FAM114A2: variants seen among roughly 807,000 people sequenced by gnomAD.
FAM114A2 encodes the protein family with sequence similarity 114 member A2, also known as protein FAM114A2.
Under a neutral mutation model 58.4 loss-of-function variants are expected in FAM114A2, and 53 were observed. The ratio of observed to expected loss-of-function variants is 0.91; its 90% CI spans 0.73 to 1.14. The LOEUF is 1.14. FAM114A2 is among the 50% of genes most tolerant of loss of function. FAM114A2 has a pLI of 0.00. For synonymous variants in FAM114A2, 228 were observed against 211.4 expected, an observed-to-expected ratio of 1.08 and a Z score of -0.68; for missense variants, 601 against 581.1, an observed-to-expected ratio of 1.03 and a Z score of -0.35.
At chr5:154,017,930 G>C (rs1679269151) in intron 8 of FAM114A2, among the ~76,000 whole-genome samples, 1 of 152,114 alleles carries the variant, frequency 6.6e-6, no homozygotes, top group Non-Finnish European at 1.5e-5. Context: ...TAGGAGGAAA[G>C]TTAAATAGGC....
chr5:154,032,072 G>T (rs1384733075), intron 4 of FAM114A2, among the ~76,000 whole-genome samples: 1 of 152,146 alleles, frequency 6.6e-6, no homozygotes, highest in African/African-American at 2.4e-5. Flanking sequence ...CCTTTTACAC[G>T]TAAAATGTGG....
At chr5:154,012,055 G>A (rs1024055907) in intron 8 of FAM114A2, among the ~76,000 whole-genome samples, 3 of 152,092 alleles carry the variant, frequency 2.0e-5, no homozygotes, top group African/African-American at 7.2e-5. Context: ...TTGGTGGCTG[G>A]GTGGAGAATG....
At position 153,992,799 on chromosome 5, in the gene FAM114A2, G is replaced by C; in HGVS notation, c.*177C>G. The stretch of plus-strand genomic sequence containing the variant: ...TTACAACAACTGGAAAGAATACTGT[G>C]AGAACCTGAATACTTCAATCAAACA... On this transcript the variant is annotated 3_prime_UTR_variant, in exon 14 of 14. Coordinates refer to ENST00000351797, the MANE Select transcript of FAM114A2 (RefSeq NM_018691.4). 4.4e-6 allele frequency: 2 copies of C among 449,780 alleles called. No homozygotes were observed. The highest frequency in any genetic ancestry group is 3.9e-6 in the Non-Finnish European group (1 of 255,404). The allele number at this position is 449,780 out of a possible 1,614,324, so 27.9% of individuals were successfully genotyped here.
intron 2 of FAM114A2, 139 bp from the exon 3 acceptor site, chr5:154,034,516 G>C (rs1203390747): frequency 1.1e-5 from 7 of 641,738 alleles, no homozygotes; most frequent in Non-Finnish European, 1.9e-5. Flanking sequence ...CTAAAGAAAT[G>C]TATTGCTTGA....
chr5:154,010,891 C>G (rs1380431966), intron 9 of FAM114A2, among the ~76,000 whole-genome samples: 2 of 152,152 alleles, frequency 1.3e-5, no homozygotes, highest in African/African-American at 2.4e-5. Flanking sequence ...CATTCAGATC[C>G]CTGAGAACAG....
chr5:154,024,977 T>C (rs1771680709), intron 8 of FAM114A2, among the ~76,000 whole-genome samples: 1 of 152,238 alleles, frequency 6.6e-6, no homozygotes, highest in South Asian at 2.1e-4. Flanking sequence ...ATTTTTATCA[T>C]GACTCACAAA....
At chr5:154,022,864 T>C (rs1460462920) in intron 8 of FAM114A2, among the ~76,000 whole-genome samples, 1 of 152,140 alleles carries the variant, frequency 6.6e-6, no homozygotes, top group African/African-American at 2.4e-5. Flanking sequence ...CTATTCACAA[T>C]AGCAAAGACT....
chr5:154,005,302 A>C (rs937945054), intron 9 of FAM114A2, among the ~76,000 whole-genome samples: 1 of 152,170 alleles, frequency 6.6e-6, no homozygotes, highest in African/African-American at 2.4e-5. Flanking sequence ...TTTGGCTCCA[A>C]AAGTTGGCAA....
intron 9 of FAM114A2, among the ~76,000 whole-genome samples, chr5:154,009,045 T>C (rs1408081938): frequency 6.6e-6 from 1 of 152,200 alleles, no homozygotes; most frequent in Non-Finnish European, 1.5e-5. Flanking sequence ...GGTGTATATG[T>C]ACCTGAGTAT....
chr5:154,000,372 T>C (rs1025922168), intron 11 of FAM114A2, among the ~76,000 whole-genome samples: 4 of 152,172 alleles, frequency 2.6e-5, no homozygotes, highest in Admixed American at 6.5e-5. Flanking sequence ...TACCAACATA[T>C]AGACATAATA....
At chr5:154,028,380 A>G in intron 5 of FAM114A2, 97 bp from the exon 6 acceptor site, 1 of 817,414 alleles carries the variant, frequency 1.2e-6, no homozygotes, top group African/African-American at 1.7e-5. Context: ...GTGGCTAACA[A>G]TACCAAGCAC....
chr5:154,010,123 T>C (rs1225560305), intron 9 of FAM114A2, among the ~76,000 whole-genome samples: 1 of 152,216 alleles, frequency 6.6e-6, no homozygotes, highest in Non-Finnish European at 1.5e-5. Context: ...TACTCTCAAA[T>C]AGTTACAAAA....
At position 153,992,436 on chromosome 5, in the gene FAM114A2, A is replaced by C. The variant is rs547745315; in HGVS notation, c.*540T>G. On this transcript the variant is annotated 3_prime_UTR_variant, in exon 14 of 14. Transcript: ENST00000351797. The stretch of plus-strand genomic sequence containing the variant: ...CTAAGAATTTAAAAAAGCAGATGAA[A>C]CTTTCTATTTCCAAGAATTCATGTG... The C allele has an allele frequency of 2.0e-5, 3 of 152,206 alleles. No homozygotes were observed. Among genetic ancestry groups the C allele is most frequent in the Non-Finnish European group, 4.4e-5 (3 of 68,040 alleles). 9.4% of individuals were successfully genotyped at this position (152,206 alleles called of 1,614,324 possible).
At chr5:154,011,382 G>C (rs184937606) in intron 8 of FAM114A2, 62 bp from the exon 9 acceptor site, 2 of 1,132,618 alleles carry the variant, frequency 1.8e-6, no homozygotes, top group East Asian at 4.7e-5. Context: ...TGAGGTGGCA[G>C]GCGAGGAGGA....
rs193163016 is a variant in FAM114A2, at chr5:154,004,215, A to T, written c.994-1246T>A. Among the ~76,000 whole-genome samples, 31 of 152,314 alleles carry T rather than the reference A, an allele frequency of 2.0e-4. No homozygotes were observed. In the East Asian group the frequency reaches 5.2e-3, roughly 26 times the overall value. ...CAATTTATCCATTCTCCTGATAATG[A>T]ATCTAGTTTTCTTTGGTTTTTGTAA... On this transcript the variant is annotated intron_variant, in intron 9 of 13. Transcript: ENST00000351797.
At chr5:154,011,073 A>G (rs1051823543) in intron 9 of FAM114A2, among the ~76,000 whole-genome samples, 168 bp downstream of exon 9, 2 of 152,198 alleles carry the variant, frequency 1.3e-5, no homozygotes, top group Non-Finnish European at 2.9e-5. Flanking sequence ...TCAACACACT[A>G]ACCTGGAGGA....
chr5:154,031,460 T>G (rs1031064693), intron 4 of FAM114A2, among the ~76,000 whole-genome samples: 2 of 152,252 alleles, frequency 1.3e-5, no homozygotes, highest in Middle Eastern at 3.4e-3. Flanking sequence ...CAATGGCCTA[T>G]GCTTATCTCA....
intron 8 of FAM114A2, among the ~76,000 whole-genome samples, chr5:154,016,974 A>G (rs1386440973): frequency 6.6e-6 from 1 of 152,234 alleles, no homozygotes; most frequent in Non-Finnish European, 1.5e-5. Flanking sequence ...AATCAGAGGT[A>G]GCTATTCTTG....
Position 154,029,553 on chromosome 5 carries a change from T to A in FAM114A2, c.431A>T (p.Asn144Ile). 6.2e-7 allele frequency: 1 copy of A among 1,605,986 alleles called. No homozygotes were observed. The highest frequency in any genetic ancestry group is 8.5e-7 in the Non-Finnish European group (1 of 1,175,190). ...AGETNAKENE[N>I]SSPVAGAFGV... Reference sequence around the variant, plus strand: ...AAATGCCCCAGCCACTGGGGAGGAGTTTTCATTCTCTTTGGCATTTGTCTC... The same window carrying A: ...AAATGCCCCAGCCACTGGGGAGGAGATTTCATTCTCTTTGGCATTTGTCTC... The change falls in exon 5 of 14, where the codon AAC becomes ATC. Residue 144 changes from asparagine (N) to isoleucine (I), a missense_variant. Coordinates refer to ENST00000351797, the MANE Select transcript of FAM114A2 (RefSeq NM_018691.4).
Sources: gnomAD v4.1 joint callset for allele counts (sites outside exome capture counted in the v4.1 genomes callset) on GRCh38, gnomAD v4.1.1 for gene constraint, MANE v1.5 for transcripts, NCBI Gene and HGNC (gene_info 2026-07-23, HGNC 2026-07-21) for gene names.